EPB41L4B: variants seen among roughly 807,000 people sequenced by gnomAD.
EPB41L4B encodes the protein erythrocyte membrane protein band 4.1 like 4B, also known as band 4.1-like protein 4B.
Under a neutral mutation model 112.5 loss-of-function variants are expected in EPB41L4B, and 30 were observed. The observed-to-expected ratio is 0.27, with a 90% CI of 0.20 to 0.36. The LOEUF is 0.36. EPB41L4B is among the 10% of genes least tolerant of loss of function. The pLI is 1.00. For missense variants in EPB41L4B, 1,024 were observed against 1,133.3 expected (o/e 0.90, Z 1.38); for synonymous variants, 408 against 439.7 (o/e 0.93, Z 0.90).
At chr9:109,307,226 C>CT in intron 1 of EPB41L4B, 1 of 494,020 alleles carries the variant, frequency 2.0e-6, no homozygotes, top group Admixed American at 2.1e-5. Flanking sequence ...TTAAATTTTT[C>CT]CTTTTTTTTT....
chr9:109,200,377 T>C, intron 19 of EPB41L4B, 43 bp from the exon 20 acceptor site: 2 of 1,514,338 alleles, frequency 1.3e-6, no homozygotes, highest in South Asian at 2.3e-5. Context: ...TCAAAAAAGG[T>C]TTATGGTCTC....
intron 1 of EPB41L4B, among the ~76,000 whole-genome samples, chr9:109,309,778 AG>A (rs1249847891): frequency 5.3e-5 from 8 of 151,870 alleles, no homozygotes; most frequent in African/African-American, 1.5e-4. Flanking sequence ...AGAGAGAGAG[AG>A]AGAGAGAGAG....
At chr9:109,263,984 A>G (rs1835309016) in intron 5 of EPB41L4B, among the ~76,000 whole-genome samples, 1 of 152,120 alleles carries the variant, frequency 6.6e-6, no homozygotes, top group Non-Finnish European at 1.5e-5. Flanking sequence ...ACCGAAGACA[A>G]TTTCTAGAGT....
chr9:109,223,070 G>A (rs902860285), intron 15 of EPB41L4B, among the ~76,000 whole-genome samples: 1 of 152,146 alleles, frequency 6.6e-6, no homozygotes, highest in African/African-American at 2.4e-5. Flanking sequence ...AATCCCACAT[G>A]TACCCCCAAC....
At chr9:109,285,787 G>A (rs1477809924) in intron 1 of EPB41L4B, among the ~76,000 whole-genome samples, 5 of 152,014 alleles carry the variant, frequency 3.3e-5, no homozygotes, top group African/African-American at 1.2e-4. Flanking sequence ...ACCCCACCCG[G>A]GGCAACCCCT....
At chr9:109,182,188 A>G (rs1234706768) in intron 24 of EPB41L4B, among the ~76,000 whole-genome samples, 1 of 152,100 alleles carries the variant, frequency 6.6e-6, no homozygotes, top group Non-Finnish European at 1.5e-5. Context: ...CAGCCTTGGC[A>G]GTAGAACAGA....
intron 9 of EPB41L4B, 108 bp from the exon 10 acceptor site, chr9:109,255,951 A>G (rs2119027145): frequency 7.8e-7 from 1 of 1,274,436 alleles, no homozygotes; most frequent in South Asian, 1.5e-5. Context: ...AAAAAAATAA[A>G]AACATTCATC....
intron 17 of EPB41L4B, among the ~76,000 whole-genome samples, chr9:109,209,718 T>G (rs1320334949): frequency 6.6e-6 from 1 of 152,102 alleles, no homozygotes; most frequent in Admixed American, 6.5e-5. Flanking sequence ...GAGAGCTTAT[T>G]ATGGGTTAGC....
chr9:109,180,367 C>G (rs1440533150), intron 24 of EPB41L4B, among the ~76,000 whole-genome samples: 1 of 152,208 alleles, frequency 6.6e-6, no homozygotes, highest in Non-Finnish European at 1.5e-5. Context: ...CCAGAGTGCC[C>G]CACTATGGCC....
chr9:109,239,875 G>A (rs1207776919), intron 15 of EPB41L4B: 1 of 985,326 alleles, frequency 1.0e-6, no homozygotes, highest in African/African-American at 1.7e-5. Context: ...TATTACTGAG[G>A]AAATCCCACT....
intron 18 of EPB41L4B, 100 bp downstream of exon 18, chr9:109,207,824 G>T: frequency 6.8e-7 from 1 of 1,470,824 alleles, no homozygotes; most frequent in South Asian, 1.3e-5. Context: ...ACTGGACCCT[G>T]ACTGACACAG....
intron 15 of EPB41L4B, among the ~76,000 whole-genome samples, chr9:109,224,084 C>A (rs1833683152): frequency 6.6e-6 from 1 of 152,112 alleles, no homozygotes; most frequent in Admixed American, 6.5e-5. Context: ...CTCCTATACA[C>A]TGCTGGAGAA....
intron 2 of EPB41L4B, among the ~76,000 whole-genome samples, chr9:109,270,749 C>G (rs1014831344): frequency 1.3e-5 from 2 of 152,192 alleles, no homozygotes; most frequent in African/African-American, 4.8e-5. Context: ...TTTAGGCCTC[C>G]CTTTCCTCTC....
chr9:109,200,306 C>T lies in EPB41L4B; in HGVS notation c.1975G>A (p.Ala659Thr). 1 of 1,614,116 alleles carries T rather than the reference C, an allele frequency of 6.2e-7. No individual in the cohort carries two copies. Among genetic ancestry groups the T allele is most frequent in the Middle Eastern group, 1.7e-4 (1 of 6,060 alleles). Reference sequence around the variant, plus strand: ...TCCGGCTTTTCCACAGCTGGCTGGGCAGTTTCCACACGAATAGGAATAGGA... The same window carrying T: ...TCCGGCTTTTCCACAGCTGGCTGGGTAGTTTCCACACGAATAGGAATAGGA... Reference protein sequence around the residue: ...RSPIPIRVETAQPAVEKPEIK... With the variant: ...RSPIPIRVETTQPAVEKPEIK... The change falls in exon 20 of 26, where the codon GCC becomes ACC. Residue 659 changes from alanine (A) to threonine (T), a missense_variant. Ala to Thr is a moderately conservative substitution (Grantham distance 58). Transcript: ENST00000374566.
intron 24 of EPB41L4B, among the ~76,000 whole-genome samples, chr9:109,179,147 T>A (rs926122721): frequency 6.6e-6 from 1 of 152,180 alleles, no homozygotes; most frequent in African/African-American, 2.4e-5. Flanking sequence ...CCACCCTAGA[T>A]GGACCAACAT....
intron 1 of EPB41L4B, among the ~76,000 whole-genome samples, chr9:109,297,266 C>G (rs1021599733): frequency 5.3e-5 from 8 of 152,128 alleles, no homozygotes. Context: ...GTACCACGAT[C>G]TTGGATTCCA....
chr9:109,308,545 G>A (rs956644445), intron 1 of EPB41L4B, among the ~76,000 whole-genome samples: 1 of 152,150 alleles, frequency 6.6e-6, no homozygotes, highest in Non-Finnish European at 1.5e-5. Context: ...AACCACAGAA[G>A]AAAATTTGAA....
chr9:109,224,392 T>C (rs960349594), intron 15 of EPB41L4B, among the ~76,000 whole-genome samples: 11 of 152,182 alleles, frequency 7.2e-5, no homozygotes, highest in Non-Finnish European at 1.5e-4. Context: ...GGCCATGATG[T>C]GGATAAACTT....
chr9:109,299,467 G>C (rs1055211192), intron 1 of EPB41L4B, among the ~76,000 whole-genome samples: 2 of 152,018 alleles, frequency 1.3e-5, no homozygotes, highest in African/African-American at 4.8e-5. Context: ...TGTTGAGATG[G>C]TGGGGCGGGT....
Sources: gnomAD v4.1 joint callset for allele counts (sites outside exome capture counted in the v4.1 genomes callset) on GRCh38, gnomAD v4.1.1 for gene constraint, MANE v1.5 for transcripts, NCBI Gene and HGNC (gene_info 2026-07-23, HGNC 2026-07-21) for gene names.